Variants in SUCLG2 observed in about 807,000 individuals in gnomAD.
SUCLG2 encodes the protein succinate--CoA ligase [GDP-forming] subunit beta, mitochondrial.
SUCLG2 carries 42 observed loss-of-function variants against 47.9 expected under a neutral mutation model. The observed-to-expected ratio is 0.88, with a 90% CI of 0.69 to 1.14. SUCLG2 has a LOEUF of 1.14. Ranked by LOEUF, SUCLG2 falls within the 50% of genes most tolerant of loss-of-function variation. SUCLG2 has a pLI of 0.00. For synonymous variants in SUCLG2, 195 were observed against 197.3 expected, an observed-to-expected ratio of 0.99 and a Z score of 0.10; for missense variants, 571 against 525.9, an observed-to-expected ratio of 1.09 and a Z score of -0.84.
intron 2 of SUCLG2, among the ~76,000 whole-genome samples, chr3:67,590,142 C>A (rs887704818): frequency 6.6e-6 from 1 of 152,136 alleles, no homozygotes; most frequent in African/African-American, 2.4e-5. Context: ...AGTCTGTTTC[C>A]TCATTTCAGA....
At chr3:67,381,001 G>T (rs561576215) in intron 10 of SUCLG2, among the ~76,000 whole-genome samples, 2 of 152,028 alleles carry the variant, frequency 1.3e-5, no homozygotes, top group East Asian at 3.9e-4. Flanking sequence ...AAGGGGAGGT[G>T]GGGACACGCA....
At chr3:67,516,387 T>C (rs1220340276) in intron 6 of SUCLG2, among the ~76,000 whole-genome samples, 1 of 152,142 alleles carries the variant, frequency 6.6e-6, no homozygotes, top group Non-Finnish European at 1.5e-5. Flanking sequence ...AACTCTTAAT[T>C]TTCTCGTATA....
chr3:67,469,564 C>A (rs7639591), intron 9 of SUCLG2, among the ~76,000 whole-genome samples: 5 of 150,650 alleles, frequency 3.3e-5, no homozygotes, highest in Admixed American at 1.3e-4. Context: ...CCCGTCTCTA[C>A]TAAAAAATAC....
intron 9 of SUCLG2, among the ~76,000 whole-genome samples, chr3:67,437,407 C>T (rs1192208470): frequency 6.6e-6 from 1 of 152,094 alleles, no homozygotes; most frequent in African/African-American, 2.4e-5. Flanking sequence ...GACAAAATAC[C>T]AGACATGGAC....
At chr3:67,404,701 T>C (rs1575674215) in intron 9 of SUCLG2, among the ~76,000 whole-genome samples, 1 of 152,112 alleles carries the variant, frequency 6.6e-6, no homozygotes, top group East Asian at 1.9e-4. Flanking sequence ...GTCATGCACT[T>C]TAATGGAAAT....
At chr3:67,528,974 C>T (rs752729477) in intron 3 of SUCLG2, 113 bp downstream of exon 3, 51 of 779,284 alleles carry the variant, frequency 6.5e-5, no homozygotes, top group Non-Finnish European at 9.7e-5. Context: ...CTTCTAGTTG[C>T]TTTGGCCCGC....
intron 10 of SUCLG2, among the ~76,000 whole-genome samples, chr3:67,398,544 G>C (rs1387071332): frequency 6.6e-6 from 1 of 151,882 alleles, no homozygotes; most frequent in Non-Finnish European, 1.5e-5. Flanking sequence ...AGGATGTGGA[G>C]AAATAGGAAC....
intron 1 of SUCLG2, among the ~76,000 whole-genome samples, chr3:67,653,066 C>A (rs1701316152): frequency 6.6e-6 from 1 of 152,172 alleles, no homozygotes; most frequent in Non-Finnish European, 1.5e-5. Flanking sequence ...TTGCGTTCAG[C>A]CTCTTATTTC....
intron 9 of SUCLG2, among the ~76,000 whole-genome samples, chr3:67,485,441 G>T (rs909182924): frequency 2.0e-5 from 3 of 152,090 alleles, no homozygotes; most frequent in African/African-American, 7.2e-5. Flanking sequence ...GGTTTACAAA[G>T]TTCCACATGC....
chr3:67,422,003 T>C (rs1267572562), intron 9 of SUCLG2, among the ~76,000 whole-genome samples: 3 of 152,136 alleles, frequency 2.0e-5, no homozygotes, highest in South Asian at 2.1e-4. Flanking sequence ...CACATGTATA[T>C]AGTACAGTCC....
intron 1 of SUCLG2, among the ~76,000 whole-genome samples, chr3:67,636,940 T>C (rs758438852): frequency 3.3e-5 from 5 of 151,906 alleles, no homozygotes; most frequent in Admixed American, 3.3e-4. Flanking sequence ...CAGCTGGAAA[T>C]GGCTGCCCAG....
chr3:67,464,547 AAAG>A (rs2106966016), intron 9 of SUCLG2, among the ~76,000 whole-genome samples: 1 of 152,344 alleles, frequency 6.6e-6, no homozygotes, highest in South Asian at 2.1e-4. Context: ...AGTGGTCAGA[AAAG>A]AAGCAGATGT....
chr3:67,509,825 C>T (rs758059093), intron 6 of SUCLG2, among the ~76,000 whole-genome samples: 2 of 152,216 alleles, frequency 1.3e-5, no homozygotes, highest in Non-Finnish European at 2.9e-5. Context: ...GGATTACTTG[C>T]AGCAGATCCG....
chr3:67,564,547 T>A (rs1707401238), intron 2 of SUCLG2, among the ~76,000 whole-genome samples: 1 of 152,256 alleles, frequency 6.6e-6, no homozygotes, highest in Non-Finnish European at 1.5e-5. Context: ...GTACTATGCA[T>A]CCCTGTCTTA....
intron 2 of SUCLG2, among the ~76,000 whole-genome samples, chr3:67,565,244 A>G (rs1171705277): frequency 1.3e-5 from 2 of 152,166 alleles, no homozygotes; most frequent in Admixed American, 1.3e-4. Context: ...ATAATTTCAT[A>G]AACTATTTGA....
intron 9 of SUCLG2, among the ~76,000 whole-genome samples, chr3:67,434,023 G>C (rs1323032146): frequency 1.3e-5 from 2 of 152,166 alleles, no homozygotes; most frequent in African/African-American, 2.4e-5. Flanking sequence ...ACATACACTA[G>C]AGGTTGACAA....
chr3:67,366,102 C>G (rs1701871298), intron 10 of SUCLG2, among the ~76,000 whole-genome samples: 1 of 152,090 alleles, frequency 6.6e-6, no homozygotes, highest in South Asian at 2.1e-4. Flanking sequence ...TATACATGAA[C>G]ATGTGGTATG....
chr3:67,428,882 G>T (rs796539813), intron 9 of SUCLG2, among the ~76,000 whole-genome samples: 1 of 152,124 alleles, frequency 6.6e-6, no homozygotes, highest in Non-Finnish European at 1.5e-5. Flanking sequence ...GAAATGAAGC[G>T]AGAAGAGAAG....
intron 1 of SUCLG2, among the ~76,000 whole-genome samples, chr3:67,611,932 A>C (rs920920378): frequency 2.6e-5 from 4 of 152,190 alleles, no homozygotes; most frequent in Non-Finnish European, 4.4e-5. Flanking sequence ...AAATCCACTG[A>C]TGACACCCGG....
Sources: allele counts gnomAD v4.1 joint callset (sites outside exome capture counted in the v4.1 genomes callset), GRCh38; gene constraint gnomAD v4.1.1; transcripts MANE v1.5; gene names NCBI Gene and HGNC (gene_info 2026-07-23, HGNC 2026-07-21).